Variants in CAPN14 observed in about 807,000 individuals in gnomAD.
The protein encoded by CAPN14 is calpain-14.
A neutral mutation model predicts 101.3 loss-of-function variants in CAPN14; 94 were observed. The ratio of observed to expected loss-of-function variants is 0.93; its 90% CI spans 0.79 to 1.10. CAPN14 has a LOEUF of 1.10. Among genes scored for constraint, CAPN14 ranks in the 50% least tolerant of loss-of-function variants. The probability of loss-of-function intolerance (pLI) is 0.00; values close to 1 mark genes in which losing one functional copy is unlikely to be tolerated. For synonymous variants in CAPN14, 338 were observed against 317.9 expected, an observed-to-expected ratio of 1.06 and a Z score of -0.67; for missense variants, 837 against 828.4, an observed-to-expected ratio of 1.01 and a Z score of -0.13.
chr2:31,232,338 C>T (rs1416188462), intron 1 of CAPN14, among the ~76,000 whole-genome samples: 1 of 152,086 alleles, frequency 6.6e-6, no homozygotes, highest in Non-Finnish European at 1.5e-5. Context: ...AATTCTATTC[C>T]ATGAAAAAAA....
intron 1 of CAPN14, among the ~76,000 whole-genome samples, chr2:31,211,960 T>C (rs937317365): frequency 1.3e-5 from 2 of 152,152 alleles, no homozygotes; most frequent in Non-Finnish European, 2.9e-5. Flanking sequence ...AAATGTTCTA[T>C]ATTGACTGTG....
rs1449102049 is a variant in CAPN14 at position 31,173,366 on chromosome 2, T to C, written c.*1315A>G. The C allele has an allele frequency of 6.6e-6, 1 of 152,372 alleles. No homozygotes were observed. Among genetic ancestry groups the C allele is most frequent in the African/African-American group, 2.4e-5 (1 of 41,584 alleles). 9.4% of individuals were successfully genotyped at this position (152,372 alleles called of 1,614,324 possible). A position where few individuals can be genotyped will look rare whatever the true frequency, so the allele number is the denominator to read the frequency against. On this transcript the variant is annotated 3_prime_UTR_variant, in exon 22 of 22. Transcript: ENST00000403897. ...ATCTGACAGGTGCTCAAATCTCCTT[T>C]AGTCCTCTGCCAATGGACACACTTT...
chr2:31,213,523 C>G (rs907163616), intron 1 of CAPN14, among the ~76,000 whole-genome samples: 2 of 152,206 alleles, frequency 1.3e-5, no homozygotes, highest in African/African-American at 2.4e-5. Context: ...TGCTCTAAAG[C>G]ACTGTTTAAC....
At chr2:31,190,057 G>A (rs374126707) in intron 12 of CAPN14, among the ~76,000 whole-genome samples, 9 of 152,138 alleles carry the variant, frequency 5.9e-5, no homozygotes, top group Non-Finnish European at 1.0e-4. Context: ...AGGACAAAGA[G>A]AACTGGGCAA....
chr2:31,174,877 C>G (rs1183574729), intron 21 of CAPN14, among the ~76,000 whole-genome samples, 170 bp from the exon 22 acceptor site: 4 of 152,226 alleles, frequency 2.6e-5, no homozygotes, highest in Non-Finnish European at 5.9e-5. Flanking sequence ...TATAATCAAC[C>G]TTGACTTCTC....
intron 1 of CAPN14, among the ~76,000 whole-genome samples, chr2:31,214,537 G>A (rs181344366): frequency 6.6e-6 from 1 of 152,280 alleles, no homozygotes; most frequent in Admixed American, 6.5e-5. Flanking sequence ...TGCACCTTGG[G>A]AGAAGGTGGG....
At chr2:31,232,082 C>T (rs1683211995) in intron 1 of CAPN14, among the ~76,000 whole-genome samples, 1 of 152,048 alleles carries the variant, frequency 6.6e-6, no homozygotes, top group Admixed American at 6.6e-5. Context: ...CTGATAATCC[C>T]CCCTCCCCTG....
chr2:31,198,822 GC>G (rs1558624407), intron 7 of CAPN14, among the ~76,000 whole-genome samples: 1 of 151,988 alleles, frequency 6.6e-6, no homozygotes, highest in African/African-American at 2.4e-5. Flanking sequence ...TGCCCTTCTC[GC>G]CCCGTGCAAA....
chr2:31,195,675 T>G (rs1681437613), intron 8 of CAPN14, among the ~76,000 whole-genome samples: 1 of 152,160 alleles, frequency 6.6e-6, no homozygotes, highest in Non-Finnish European at 1.5e-5. Flanking sequence ...TTACTAGAGA[T>G]CCCAGAGGGT....
At chr2:31,222,918 C>G (rs558626055) in intron 2 of CAPN14, among the ~76,000 whole-genome samples, 2 of 152,104 alleles carry the variant, frequency 1.3e-5, no homozygotes, top group Non-Finnish European at 2.9e-5. Flanking sequence ...ATTTATGAAT[C>G]GGAGTTATGA....
At chr2:31,213,544 G>T (rs1312206790) in intron 1 of CAPN14, among the ~76,000 whole-genome samples, 3 of 152,234 alleles carry the variant, frequency 2.0e-5, no homozygotes, top group Non-Finnish European at 4.4e-5. Context: ...CAGGTAGATT[G>T]CTGTTGCAGG....
At chr2:31,193,505 T>C (rs766797136) in intron 9 of CAPN14, among the ~76,000 whole-genome samples, 1 of 152,146 alleles carries the variant, frequency 6.6e-6, no homozygotes, top group Non-Finnish European at 1.5e-5. Flanking sequence ...CTGGAGCTAC[T>C]GAGAAGCCCC....
chr2:31,202,415 G>T (rs539709016), intron 3 of CAPN14, among the ~76,000 whole-genome samples, 163 bp from the exon 4 acceptor site: 4 of 152,266 alleles, frequency 2.6e-5, no homozygotes, highest in African/African-American at 7.2e-5. Context: ...AGGTGGGGCT[G>T]GGAGCATTGG....
chr2:31,176,711 CAT>C (rs1478386951), intron 20 of CAPN14, 69 bp from the exon 21 acceptor site: 3 of 1,363,724 alleles, frequency 2.2e-6, no homozygotes, highest in African/African-American at 2.9e-5. Flanking sequence ...TAGTTCCTCC[CAT>C]ATGTCTCACC....
At chr2:31,193,487 G>A (rs1268528370) in intron 9 of CAPN14, among the ~76,000 whole-genome samples, 193 bp from the exon 10 acceptor site, 3 of 151,910 alleles carry the variant, frequency 2.0e-5, no homozygotes, top group East Asian at 1.9e-4. Context: ...AGGGTCCATC[G>A]TGGGGGGCTG....
chr2:31,192,814 C>A (rs1681259779), intron 10 of CAPN14, among the ~76,000 whole-genome samples: 1 of 152,176 alleles, frequency 6.6e-6, no homozygotes, highest in African/African-American at 2.4e-5. Flanking sequence ...AAAAAAGATT[C>A]TCCCTTGCCC....
At chr2:31,215,158 G>A (rs998122156) in intron 1 of CAPN14, among the ~76,000 whole-genome samples, 6 of 152,066 alleles carry the variant, frequency 3.9e-5, no homozygotes, top group Non-Finnish European at 8.8e-5. Context: ...CCATTCCCAC[G>A]CTTTTAAAGA....
chr2:31,206,108 A>G (rs949396091), intron 1 of CAPN14, among the ~76,000 whole-genome samples: 2 of 148,662 alleles, frequency 1.3e-5, no homozygotes, highest in African/African-American at 4.9e-5. Context: ...TCTCGGCTCA[A>G]TGCAACCCCT....
At chr2:31,229,559 C>A (rs1683124960) in intron 1 of CAPN14, among the ~76,000 whole-genome samples, 2 of 151,606 alleles carry the variant, frequency 1.3e-5, no homozygotes, top group African/African-American at 4.9e-5. Context: ...GCCTGTAGTC[C>A]CAGCTACTTG....
Sources: gnomAD v4.1 joint callset for allele counts (sites outside exome capture counted in the v4.1 genomes callset) on GRCh38, gnomAD v4.1.1 for gene constraint, MANE v1.5 for transcripts, NCBI Gene and HGNC (gene_info 2026-07-23, HGNC 2026-07-21) for gene names.